Variants in PPM1L observed in about 807,000 individuals in gnomAD.
PPM1L encodes protein phosphatase 1L.
PPM1L carries 13 observed loss-of-function variants against 31.4 expected under a neutral mutation model. The observed-to-expected ratio is 0.41, with a 90% confidence interval of 0.27 to 0.66. The LOEUF is 0.66. PPM1L is among the 30% of genes least tolerant of loss of function. The pLI is 0.29. For missense variants in PPM1L, 326 were observed against 453.7 expected (o/e 0.72, Z 2.56); for synonymous variants, 184 against 175.4 (o/e 1.05, Z -0.39).
chr3:160,808,201 T>A (rs1712664520), intron 1 of PPM1L, among the ~76,000 whole-genome samples: 1 of 152,148 alleles, frequency 6.6e-6, no homozygotes, highest in African/African-American at 2.4e-5. Flanking sequence ...GATTTTCTGC[T>A]TAATCAACTC....
intron 1 of PPM1L, among the ~76,000 whole-genome samples, chr3:160,955,161 C>A (rs1370025827): frequency 6.6e-6 from 1 of 151,934 alleles, no homozygotes; most frequent in African/African-American, 2.4e-5. Flanking sequence ...CAGGCATGCA[C>A]CACCATGCCC....
chr3:160,776,173 A>C (rs1027067918), intron 1 of PPM1L, among the ~76,000 whole-genome samples: 1 of 152,256 alleles, frequency 6.6e-6, no homozygotes, highest in Non-Finnish European at 1.5e-5. Flanking sequence ...AATTGGTAGA[A>C]TTCTCATGTA....
intron 1 of PPM1L, among the ~76,000 whole-genome samples, chr3:160,892,775 G>T (rs913881041): frequency 6.6e-6 from 1 of 151,924 alleles, no homozygotes; most frequent in Non-Finnish European, 1.5e-5. Context: ...CAGATTCTTA[G>T]CACTTTTTGA....
At chr3:160,852,706 T>A (rs1711563470) in intron 1 of PPM1L, among the ~76,000 whole-genome samples, 1 of 152,240 alleles carries the variant, frequency 6.6e-6, no homozygotes, top group Non-Finnish European at 1.5e-5. Flanking sequence ...TCAGCAACTA[T>A]GCTTTTAATA....
At chr3:160,901,172 A>G (rs1024316552) in intron 1 of PPM1L, among the ~76,000 whole-genome samples, 1 of 152,120 alleles carries the variant, frequency 6.6e-6, no homozygotes, top group South Asian at 2.1e-4. Flanking sequence ...CAAAGTTTAC[A>G]TCTTTAGCTC....
intron 1 of PPM1L, among the ~76,000 whole-genome samples, chr3:160,815,400 T>C (rs116545703): frequency 6.6e-6 from 1 of 152,244 alleles, no homozygotes; most frequent in African/African-American, 2.4e-5. Context: ...TAGATGTTCA[T>C]TGAAAGTAGT....
intron 2 of PPM1L, among the ~76,000 whole-genome samples, chr3:161,045,050 T>C (rs1419563173): frequency 6.6e-6 from 1 of 152,086 alleles, no homozygotes; most frequent in East Asian, 1.9e-4. Flanking sequence ...GGTAAAGGGA[T>C]CAATTCAACA....
rs949401324 is a variant in PPM1L, at chr3:161,055,727, G to A, written c.575-9676G>A. On this transcript the variant is annotated intron_variant, in intron 2 of 3. Transcript: ENST00000498165. Reference sequence around the variant, plus strand: ...ATCTCTCTATGTCTCGCCCCCTTTCGCCTCCTCCCCTTCCTCACCCCTTGC... The same window carrying A: ...ATCTCTCTATGTCTCGCCCCCTTTCACCTCCTCCCCTTCCTCACCCCTTGC... 7.3e-5 allele frequency among the ~76,000 whole-genome samples: 11 copies of A among 151,154 alleles called. 1 individual carries two copies. Among genetic ancestry groups the A allele is most frequent in the Admixed American group, 2.0e-4 (3 of 15,144 alleles).
chr3:161,009,971 TAA>T, intron 2 of PPM1L, among the ~76,000 whole-genome samples: 1 of 152,178 alleles, frequency 6.6e-6, no homozygotes, highest in South Asian at 2.1e-4. Flanking sequence ...CTCCAAATTA[TAA>T]AATATCCATG....
In PPM1L at chr3:160,876,610, A is replaced by G. The variant is rs75525189; in HGVS notation, c.400-85126A>G. 4.5e-3 allele frequency among the ~76,000 whole-genome samples: 682 copies of G among 152,334 alleles called. 1 individual carries two copies. The highest frequency in any genetic ancestry group is 0.01 in the Middle Eastern group (3 of 292). ...ACTGTGCTATTACTATGTGAGTGGC[A>G]CTACTGAATTCTACTTTAGAGGAAT... On this transcript the variant is annotated intron_variant, in intron 1 of 3. Transcript: ENST00000498165.
chr3:160,885,712 C>T (rs1367317148), intron 1 of PPM1L, among the ~76,000 whole-genome samples: 5 of 152,230 alleles, frequency 3.3e-5, no homozygotes, highest in Non-Finnish European at 7.3e-5. Context: ...AGAACTCTGT[C>T]AGCCACGGAT....
intron 2 of PPM1L, among the ~76,000 whole-genome samples, chr3:160,982,324 C>T (rs148092943): frequency 1.3e-5 from 2 of 152,260 alleles, no homozygotes; most frequent in East Asian, 3.9e-4. Context: ...GGCATCTCGA[C>T]AGCTTTGAAA....
intron 2 of PPM1L, among the ~76,000 whole-genome samples, chr3:160,964,388 AAAAAG>A (rs1330043166): frequency 6.6e-6 from 1 of 151,510 alleles, no homozygotes; most frequent in African/African-American, 2.4e-5. Context: ...GAAAATCATA[AAAAAG>A]AAAAAATATA....
chr3:161,036,812 T>C, intron 2 of PPM1L, among the ~76,000 whole-genome samples: 1 of 152,238 alleles, frequency 6.6e-6, no homozygotes, highest in East Asian at 1.9e-4. Context: ...TCCTTGATTT[T>C]AAGGGACTCC....
intron 1 of PPM1L, among the ~76,000 whole-genome samples, chr3:160,830,856 G>A (rs375823307): frequency 6.6e-6 from 1 of 152,180 alleles, no homozygotes; most frequent in African/African-American, 2.4e-5. Context: ...TACAGCAGTA[G>A]TAGACTTAAG....
chr3:160,820,134 TA>T (rs1398828078), intron 1 of PPM1L, among the ~76,000 whole-genome samples: 1 of 152,044 alleles, frequency 6.6e-6, no homozygotes, highest in Non-Finnish European at 1.5e-5. Context: ...TGATGAGGCA[TA>T]ACCTTAGCAG....
At chr3:160,993,244 C>T (rs1022565589) in intron 2 of PPM1L, among the ~76,000 whole-genome samples, 2 of 152,082 alleles carry the variant, frequency 1.3e-5, no homozygotes, top group Non-Finnish European at 2.9e-5. Context: ...AAACTTTCTG[C>T]AGGGTATGGC....
chr3:160,814,273 G>A (rs1712897469), intron 1 of PPM1L, among the ~76,000 whole-genome samples: 1 of 152,096 alleles, frequency 6.6e-6, no homozygotes, highest in African/African-American at 2.4e-5. Context: ...CCCCGGATCA[G>A]GTTAAATCTG....
At chr3:160,918,697 A>G (rs1222200144) in intron 1 of PPM1L, among the ~76,000 whole-genome samples, 2 of 152,226 alleles carry the variant, frequency 1.3e-5, no homozygotes, top group Non-Finnish European at 2.9e-5. Flanking sequence ...TTTGCAAGTG[A>G]TACTTTAAGA....
Sources: gnomAD v4.1 joint callset for allele counts (sites outside exome capture counted in the v4.1 genomes callset) on GRCh38, gnomAD v4.1.1 for gene constraint, MANE v1.5 for transcripts, NCBI Gene and HGNC (gene_info 2026-07-23, HGNC 2026-07-21) for gene names.